The following MAPK10 variants were observed in gnomAD, a reference collection of about 807,000 sequenced individuals.
The protein encoded by MAPK10 is JNK3 alpha protein kinase.
MAPK10 carries 25 observed loss-of-function variants against 59.3 expected under a neutral mutation model. That is an observed-to-expected ratio of 0.42 (90% confidence interval 0.31 to 0.59). The LOEUF (loss-of-function observed/expected upper bound fraction) is 0.59. Ranked by LOEUF, MAPK10 falls within the 20% of genes least tolerant of loss-of-function variation. The probability of loss-of-function intolerance (pLI) is 0.15; values close to 1 mark genes in which losing one functional copy is unlikely to be tolerated. For synonymous variants in MAPK10, 190 were observed against 200.5 expected (o/e 0.95, Z 0.44); for missense variants, 351 against 568.9 (o/e 0.62, Z 3.90).
At chr4:86,092,170 T>C (rs1216449549) in intron 9 of MAPK10, among the ~76,000 whole-genome samples, 4 of 152,312 alleles carry the variant, frequency 2.6e-5, no homozygotes, top group African/African-American at 9.6e-5. Context: ...AGGCTCTAGA[T>C]CTGAAATTCT....
At chr4:86,384,590 GA>G (rs1368268339) in intron 1 of MAPK10, among the ~76,000 whole-genome samples, 3 of 152,146 alleles carry the variant, frequency 2.0e-5, no homozygotes, top group Non-Finnish European at 2.9e-5. Context: ...TGGAGGCAAG[GA>G]CACAAATTAG....
rs578163161 is a variant in MAPK10, at chr4:86,327,521, T to C, written c.-7+27009A>G. 15 of 152,164 alleles carry C rather than the reference T, an allele frequency of 9.9e-5. No homozygotes were observed. In the East Asian group the frequency reaches 2.7e-3, roughly 27 times the overall value. 9.4% of individuals were successfully genotyped at this position (152,164 alleles called of 1,614,324 possible). On this transcript the variant is annotated intron_variant, in intron 2 of 13. Transcript: ENST00000641462. ...TCCCCCAGAATTACTATCTTTTTTT[T>C]TTGCAAATGTTTAAACATTTATAAG...
At chr4:86,456,150 G>A (rs571757130), upstream of MAPK10, among the ~76,000 whole-genome samples, 1 of 152,250 alleles carries the variant, frequency 6.6e-6, no homozygotes, top group African/African-American at 2.4e-5. Context: ...CTGGGATACA[G>A]CAAAGGCAAC....
chr4:86,373,074 G>T (rs576917177), intron 1 of MAPK10, among the ~76,000 whole-genome samples: 22 of 152,178 alleles, frequency 1.4e-4, no homozygotes, highest in African/African-American at 4.8e-4. Context: ...TAGACCAATG[G>T]AACAGAACAG....
At chr4:86,583,838 G>T (rs775692273) in intron 1 of MAPK10, among the ~76,000 whole-genome samples, 3 of 152,084 alleles carry the variant, frequency 2.0e-5, no homozygotes, top group Non-Finnish European at 4.4e-5. Context: ...TTAAATAAAA[G>T]ATATCTTTTA....
At chr4:86,484,840 C>A (rs1334338443) in intron 1 of MAPK10, among the ~76,000 whole-genome samples, 2 of 152,144 alleles carry the variant, frequency 1.3e-5, no homozygotes, top group Non-Finnish European at 2.9e-5. Flanking sequence ...CACACTGTTT[C>A]TTATAACACA....
chr4:86,058,508 T>C (rs556849049), intron 11 of MAPK10, among the ~76,000 whole-genome samples: 17 of 149,406 alleles, frequency 1.1e-4, no homozygotes, highest in South Asian at 2.1e-4. Flanking sequence ...CACCCTTTTC[T>C]CTAGAAGCAG....
At chr4:86,243,416 G>A (rs573473356) in intron 2 of MAPK10, among the ~76,000 whole-genome samples, 2 of 152,122 alleles carry the variant, frequency 1.3e-5, no homozygotes, top group East Asian at 3.9e-4. Flanking sequence ...GGTCAAAACC[G>A]CAAATGGCTT....
At chr4:86,332,651 C>T (rs753569131) in intron 2 of MAPK10, 6 of 152,010 alleles carry the variant, frequency 3.9e-5, no homozygotes, top group Non-Finnish European at 5.9e-5. Context: ...CATTTCATGC[C>T]GTAACCTTCC....
chr4:86,265,369 C>T lies in MAPK10; in HGVS notation c.-6-70962G>A, dbSNP rs140545840. Among the ~76,000 whole-genome samples, 880 of 152,026 alleles carry T rather than the reference C, an allele frequency of 5.8e-3. 8 individuals are homozygous for T. Among genetic ancestry groups the T allele is most frequent in the African/African-American group, 0.02 (828 of 41,480 alleles). On this transcript the variant is annotated intron_variant, in intron 2 of 13. Coordinates refer to ENST00000641462, the MANE Select transcript of MAPK10 (RefSeq NM_138982.4). ...ACTAAAAATACAAAATTTAGCCTGG[C>T]ATGGTGGCAGGCACCTGCAATCCCA...
chr4:86,247,374 T>G (rs1172717806), intron 2 of MAPK10, among the ~76,000 whole-genome samples: 1 of 152,236 alleles, frequency 6.6e-6, no homozygotes. Flanking sequence ...GTTTTCTCCC[T>G]GCCCTGATCC....
intron 1 of MAPK10, among the ~76,000 whole-genome samples, chr4:86,394,486 T>G (rs1429498848): frequency 1.3e-5 from 2 of 152,180 alleles, no homozygotes; most frequent in Non-Finnish European, 2.9e-5. Context: ...TTGTTTAAAT[T>G]AATTTTTGTT....
intron 3 of MAPK10, among the ~76,000 whole-genome samples, chr4:86,173,477 G>C (rs1000820744): frequency 2.0e-5 from 3 of 151,878 alleles, no homozygotes; most frequent in African/African-American, 7.3e-5. Flanking sequence ...AACTCGAGAT[G>C]GATTAAAGAC....
At chr4:86,349,551 A>G (rs1364497045) in intron 2 of MAPK10, among the ~76,000 whole-genome samples, 1 of 152,222 alleles carries the variant, frequency 6.6e-6, no homozygotes, top group Admixed American at 6.5e-5. Flanking sequence ...ACAGATAATA[A>G]GATACTATGG....
At chr4:86,389,306 G>A (rs1741895404) in intron 1 of MAPK10, among the ~76,000 whole-genome samples, 1 of 152,124 alleles carries the variant, frequency 6.6e-6, no homozygotes, top group Non-Finnish European at 1.5e-5. Flanking sequence ...AGAACCATGA[G>A]CCAACTAAAC....
intron 2 of MAPK10, among the ~76,000 whole-genome samples, chr4:86,230,554 T>C (rs2091389936): frequency 6.6e-6 from 1 of 152,240 alleles, no homozygotes; most frequent in Non-Finnish European, 1.5e-5. Flanking sequence ...TCTGGAATTA[T>C]TGATCTATAT....
intron 2 of MAPK10, among the ~76,000 whole-genome samples, chr4:86,201,667 T>C (rs2082649926): frequency 6.6e-6 from 1 of 151,882 alleles, no homozygotes; most frequent in Non-Finnish European, 1.5e-5. Flanking sequence ...ATTAATGTTA[T>C]TTTTAAATTA....
At chr4:86,062,450 C>A (rs943787496) in intron 11 of MAPK10, among the ~76,000 whole-genome samples, 2 of 152,060 alleles carry the variant, frequency 1.3e-5, no homozygotes, top group African/African-American at 4.8e-5. Context: ...CTCATTGATA[C>A]TATTCAGTAA....
intron 2 of MAPK10, among the ~76,000 whole-genome samples, chr4:86,264,068 C>A (rs892182237): frequency 1.3e-5 from 2 of 151,902 alleles, no homozygotes; most frequent in Non-Finnish European, 2.9e-5. Flanking sequence ...CTAGTTACTG[C>A]GAATATAAAG....
Sources: allele counts gnomAD v4.1 joint callset (sites outside exome capture counted in the v4.1 genomes callset), GRCh38; gene constraint gnomAD v4.1.1; transcripts MANE v1.5; gene names NCBI Gene and HGNC (gene_info 2026-07-23, HGNC 2026-07-21).